ASAH2: variants seen among roughly 807,000 people sequenced by gnomAD.
ASAH2 encodes the protein neutral ceramidase.
Under a neutral mutation model 82.9 loss-of-function variants are expected in ASAH2, and 58 were observed. That is an observed-to-expected ratio of 0.70 (90% CI 0.57 to 0.87). ASAH2 has a LOEUF of 0.87. ASAH2 is among the 40% of genes least tolerant of loss of function. ASAH2 has a pLI of 0.00. For missense variants in ASAH2, 779 were observed against 834.0 expected, an observed-to-expected ratio of 0.93 and a Z score of 0.81; for synonymous variants, 276 against 289.7, an observed-to-expected ratio of 0.95 and a Z score of 0.48.
chr10:50,247,995 C>A (rs1436219), intron 2 of ASAH2, among the ~76,000 whole-genome samples: 50,914 of 151,784 alleles, frequency 0.34, 10,421 homozygotes, highest in Non-Finnish European at 0.45. Context: ...CTCCTTGGTC[C>A]ACCTCCTCAC....
intron 7 of ASAH2, among the ~76,000 whole-genome samples, chr10:50,231,334 T>G (rs1306508230): frequency 1.3e-5 from 2 of 152,154 alleles, no homozygotes; most frequent in African/African-American, 4.8e-5. Context: ...GTATTTTTCA[T>G]GACTCCGTGA....
Position 50,211,133 on chromosome 10 carries a change from T to A in ASAH2, c.1229A>T (p.Glu410Val). 1 of 1,610,376 alleles carries A rather than the reference T, an allele frequency of 6.2e-7. No homozygotes were observed. Among genetic ancestry groups the A allele is most frequent in the Middle Eastern group, 1.7e-4 (1 of 6,050 alleles). Residue 410 changes from glutamate (E) to valine (V), a missense_variant and splice_region_variant, in exon 11 of 21, where the codon GAA becomes GTA. This residue lies in a region of ASAH2 where 759 missense variants were observed against 755.2 expected (regional missense o/e 1.00). Transcript: ENST00000682911. Reference protein sequence around the residue: ...IGRAMYQRAKELYASASQEVT... With the variant: ...IGRAMYQRAKVLYASASQEVT... ...CTCCTGGGAGGCAGAGGCATAGAGTTCCTAGAAAACACACAGGCTTATTAT... is the reference window on the plus strand; with the variant it reads ...CTCCTGGGAGGCAGAGGCATAGAGTACCTAGAAAACACACAGGCTTATTAT...
At chr10:50,213,947 A>C (rs1295909343) in intron 9 of ASAH2, among the ~76,000 whole-genome samples, 1 of 152,188 alleles carries the variant, frequency 6.6e-6, no homozygotes, top group Non-Finnish European at 1.5e-5. Flanking sequence ...ACAAAGAATA[A>C]GAACCCAAAA....
At chr10:50,235,604 C>G (rs1402629895) in intron 5 of ASAH2, among the ~76,000 whole-genome samples, 1 of 151,960 alleles carries the variant, frequency 6.6e-6, no homozygotes, top group Non-Finnish European at 1.5e-5. Flanking sequence ...CATGTAGTGC[C>G]CTCTATAAAG....
chr10:50,228,615 CA>C (rs1449472507), intron 7 of ASAH2, among the ~76,000 whole-genome samples: 3 of 152,080 alleles, frequency 2.0e-5, no homozygotes, highest in Non-Finnish European at 4.4e-5. Context: ...ACTTTTTACA[CA>C]AATGATTCAA....
chr10:50,242,309 T>C (rs1262704504), intron 4 of ASAH2, among the ~76,000 whole-genome samples: 2 of 152,126 alleles, frequency 1.3e-5, no homozygotes, highest in Non-Finnish European at 2.9e-5. Flanking sequence ...GAGGGAGCAA[T>C]GTTAAAGTGA....
At chr10:50,233,447 C>T (rs1589350235) in intron 6 of ASAH2, among the ~76,000 whole-genome samples, 186 bp from the exon 7 acceptor site, 3 of 151,946 alleles carry the variant, frequency 2.0e-5, no homozygotes, top group Non-Finnish European at 2.9e-5. Flanking sequence ...TATGCAATTG[C>T]GATCAAAGTT....
chr10:50,242,173 G>C (rs1423906298), intron 4 of ASAH2, among the ~76,000 whole-genome samples: 1 of 151,328 alleles, frequency 6.6e-6, no homozygotes, highest in Non-Finnish European at 1.5e-5. Context: ...TACAGAAAAT[G>C]GAAATACCAA....
intron 8 of ASAH2, among the ~76,000 whole-genome samples, chr10:50,215,236 A>C (rs1845562640): frequency 6.6e-6 from 1 of 151,666 alleles, no homozygotes; most frequent in Non-Finnish European, 1.5e-5. Context: ...TCTTGAGTTA[A>C]TTTTTGTATA....
chr10:50,225,043 C>G (rs1214698544), intron 7 of ASAH2, among the ~76,000 whole-genome samples: 1 of 152,172 alleles, frequency 6.6e-6, no homozygotes, highest in Non-Finnish European at 1.5e-5. Context: ...AAGTGATGTA[C>G]GTTCTCAAGG....
At chr10:50,222,611 C>G (rs911788082) in intron 7 of ASAH2, among the ~76,000 whole-genome samples, 4 of 151,968 alleles carry the variant, frequency 2.6e-5, no homozygotes, top group Non-Finnish European at 5.9e-5. Flanking sequence ...TATTTTAAGC[C>G]TCAGAAAATA....
chr10:50,236,491 G>T (rs1273928960), intron 4 of ASAH2, among the ~76,000 whole-genome samples: 1 of 152,040 alleles, frequency 6.6e-6, no homozygotes, highest in Non-Finnish European at 1.5e-5. Flanking sequence ...GGGGATTATG[G>T]TAACTAAAAC....
At chr10:50,238,395 C>G (rs1846210861) in intron 4 of ASAH2, among the ~76,000 whole-genome samples, 1 of 152,146 alleles carries the variant, frequency 6.6e-6, no homozygotes, top group African/African-American at 2.4e-5. Context: ...GTTACCATGT[C>G]CACATAAGCA....
chr10:50,207,799 C>G (rs1375379224), intron 12 of ASAH2, among the ~76,000 whole-genome samples: 1 of 151,702 alleles, frequency 6.6e-6, no homozygotes, highest in Non-Finnish European at 1.5e-5. Context: ...GGAACACTTC[C>G]TGATTCATTC....
At position 50,196,915 on chromosome 10, in the gene ASAH2, G is replaced by T. The variant is rs1278072542; in HGVS notation, c.1862C>A (p.Thr621Lys). Residue 621 changes from threonine to lysine, a missense_variant, in exon 18 of 21, where the codon ACG (threonine) becomes AAG (lysine). This residue lies in a region of ASAH2 where 6 missense variants were observed against 62.6 expected (regional missense o/e 0.10). Coordinates refer to ENST00000682911, the MANE Select transcript of ASAH2 (RefSeq NM_019893.4). Reference protein sequence around the residue: ...RNLAKAIATDTVANLSRGPEP... With the variant: ...RNLAKAIATDKVANLSRGPEP... ...TGGACCTCTGCTCAGGTTGGCTACC[G>T]TGTCCTGGAACAGAGAGCATTTGTT... is the stretch of plus-strand genomic sequence containing the variant. 1 of 1,611,656 alleles carries T rather than the reference G, an allele frequency of 6.2e-7. No homozygotes were observed. The highest frequency in any genetic ancestry group is 8.5e-7 in the Non-Finnish European group (1 of 1,179,670).
intron 7 of ASAH2, among the ~76,000 whole-genome samples, chr10:50,232,626 C>T (rs1350605223): frequency 6.6e-6 from 1 of 152,138 alleles, no homozygotes; most frequent in East Asian, 1.9e-4. Context: ...AATGCTGTCA[C>T]TCCCAGATAA....
intron 4 of ASAH2, among the ~76,000 whole-genome samples, chr10:50,240,340 G>C (rs1045220371): frequency 9.9e-4 from 150 of 152,228 alleles, no homozygotes; most frequent in African/African-American, 3.3e-3. Flanking sequence ...CCCTCTGTTT[G>C]AAATACCTAG....
intron 8 of ASAH2, 96 bp downstream of exon 8, chr10:50,218,414 C>T: frequency 6.5e-7 from 1 of 1,548,408 alleles, no homozygotes. Flanking sequence ...GATGATGACA[C>T]TTTATTCTGG....
chr10:50,251,085 T>A (rs777024381), intron 1 of ASAH2, among the ~76,000 whole-genome samples: 1 of 152,224 alleles, frequency 6.6e-6, no homozygotes, highest in Non-Finnish European at 1.5e-5. Context: ...AAACACTCCT[T>A]GGTAGAGCTA....
Sources: gnomAD v4.1 joint callset for allele counts (sites outside exome capture counted in the v4.1 genomes callset) on GRCh38, gnomAD v4.1.1 for gene constraint, gnomAD v4.1.1 regional missense constraint, MANE v1.5 for transcripts, NCBI Gene and HGNC (gene_info 2026-07-23, HGNC 2026-07-21) for gene names.